The following RIMS1 variants were observed in gnomAD, a reference collection of about 807,000 sequenced individuals.
The protein encoded by RIMS1 is regulating synaptic membrane exocytosis protein 1.
A neutral mutation model predicts 214.1 loss-of-function variants in RIMS1; 83 were observed. The ratio of observed to expected loss-of-function variants is 0.39; its 90% confidence interval spans 0.32 to 0.47. RIMS1 has a LOEUF of 0.47. RIMS1 is among the 20% of genes least tolerant of loss of function. The probability of loss-of-function intolerance (pLI) is 0.99; values close to 1 mark genes in which losing one functional copy is unlikely to be tolerated. For missense variants in RIMS1, 2,050 were observed against 2,161.8 expected (o/e 0.95, Z 1.03); for synonymous variants, 793 against 786.8 (o/e 1.01, Z -0.13).
At chr6:72,372,110 C>T (rs2098238634) in intron 29 of RIMS1, among the ~76,000 whole-genome samples, 1 of 152,116 alleles carries the variant, frequency 6.6e-6, no homozygotes, top group Non-Finnish European at 1.5e-5. Context: ...GCCTGTGGTT[C>T]TAGAAGCCTG....
At chr6:71,895,848 A>G (rs1191950986) in intron 1 of RIMS1, among the ~76,000 whole-genome samples, 2 of 152,162 alleles carry the variant, frequency 1.3e-5, no homozygotes, top group Non-Finnish European at 2.9e-5. Flanking sequence ...CTTTAACTAT[A>G]TGGTAGTATA....
intron 20 of RIMS1, 29 bp from the exon 21 acceptor site, chr6:72,265,361 T>A: frequency 8.3e-7 from 1 of 1,198,878 alleles, no homozygotes; most frequent in Non-Finnish European, 1.2e-6. Context: ...TTATTTTATT[T>A]TATTTTTGTG....
intron 2 of RIMS1, among the ~76,000 whole-genome samples, chr6:72,082,600 T>C (rs1246900652): frequency 1.3e-5 from 2 of 152,078 alleles, no homozygotes; most frequent in Non-Finnish European, 2.9e-5. Context: ...GGAGATTAAA[T>C]CTAAAACTAA....
intron 4 of RIMS1, among the ~76,000 whole-genome samples, chr6:72,147,852 A>G (rs1051766058): frequency 5.9e-5 from 9 of 152,284 alleles, no homozygotes; most frequent in African/African-American, 1.4e-4. Context: ...CAGAAAATAC[A>G]GAGATTTTTA....
intron 2 of RIMS1, among the ~76,000 whole-genome samples, chr6:72,024,938 C>CT: frequency 8.5e-6 from 1 of 117,140 alleles, no homozygotes; most frequent in Non-Finnish European, 1.6e-5. Flanking sequence ...CAGAGTCTCT[C>CT]TGTTGCCCAG....
intron 6 of RIMS1, among the ~76,000 whole-genome samples, chr6:72,186,653 G>T (rs1248482951): frequency 6.6e-6 from 1 of 152,024 alleles, no homozygotes; most frequent in African/African-American, 2.4e-5. Flanking sequence ...TGTATTTAGG[G>T]GGACTGTTTG....
intron 28 of RIMS1, among the ~76,000 whole-genome samples, chr6:72,322,974 G>T (rs1425910712): frequency 1.3e-5 from 2 of 152,070 alleles, no homozygotes; most frequent in Non-Finnish European, 2.9e-5. Context: ...AGGCCAAAGA[G>T]CCAAGCACAA....
chr6:72,068,069 A>AT (rs1485544013), intron 2 of RIMS1, among the ~76,000 whole-genome samples: 1 of 152,200 alleles, frequency 6.6e-6, no homozygotes, highest in African/African-American at 2.4e-5. Context: ...TGATCACAAG[A>AT]TTTGGCTGAT....
intron 1 of RIMS1, among the ~76,000 whole-genome samples, chr6:71,907,975 AAGTAAGAG>A (rs1775756002): frequency 6.6e-6 from 1 of 152,186 alleles, no homozygotes; most frequent in African/African-American, 2.4e-5. Flanking sequence ...TCAAATTTGA[AAGTAAGAG>A]ACTTTTGCCT....
intron 28 of RIMS1, among the ~76,000 whole-genome samples, chr6:72,324,841 T>A (rs1486702894): frequency 6.6e-6 from 1 of 151,780 alleles, no homozygotes; most frequent in Non-Finnish European, 1.5e-5. Flanking sequence ...AATTGAGTGG[T>A]TGCAACAGAG....
rs1353820247 is a variant in RIMS1 at position 72,081,807 on chromosome 6, G to A, written c.246-15142G>A. Among the ~76,000 whole-genome samples the A allele has an allele frequency of 3.3e-5, 5 of 151,972 alleles. 1 individual carries two copies. The highest frequency in any genetic ancestry group is 4.8e-5 in the African/African-American group (2 of 41,374). ...TTATTGGTTTTATGATCTCTCTTTC[G>A]TGGATATAAAAGAACTTAAGTTATT... On this transcript the variant is annotated intron_variant, in intron 2 of 33. Transcript: ENST00000521978.
intron 4 of RIMS1, chr6:72,175,334 TA>T: frequency 2.5e-6 from 1 of 393,284 alleles, no homozygotes; most frequent in Non-Finnish European, 5.0e-6. Flanking sequence ...ATTATAATAC[TA>T]AGTACCTCAG....
chr6:71,897,643 G>A (rs565444944), intron 1 of RIMS1, among the ~76,000 whole-genome samples: 10 of 152,088 alleles, frequency 6.6e-5, no homozygotes, highest in South Asian at 2.1e-4. Context: ...TTTGGTATTC[G>A]TCTTAACCTC....
At chr6:72,196,579 A>ATTTTTTTTTTTTT (rs1562552453) in intron 6 of RIMS1, among the ~76,000 whole-genome samples, 3 of 32,670 alleles carry the variant, frequency 9.2e-5, no homozygotes, top group Non-Finnish European at 1.4e-4. Context: ...AGCCAGCTGC[A>ATTTTTTTTTTTTT]CTTTTTTTTT....
intron 6 of RIMS1, among the ~76,000 whole-genome samples, chr6:72,209,787 G>C (rs2154004450): frequency 6.6e-6 from 1 of 151,800 alleles, no homozygotes; most frequent in South Asian, 2.1e-4. Flanking sequence ...TGTAGTCCCA[G>C]CTACTCGGGA....
In RIMS1 at chr6:72,159,538, C is replaced by T. The variant is rs985471385; in HGVS notation, c.472-20037C>T. Reference sequence around the variant, plus strand: ...ATGGTTCTAGGTCTAACATTTAAATCTTTAATCCATCTTGAATTAATTTTT... The same window carrying T: ...ATGGTTCTAGGTCTAACATTTAAATTTTTAATCCATCTTGAATTAATTTTT... On this transcript the variant is annotated intron_variant, in intron 4 of 33. Coordinates refer to ENST00000521978, the MANE Select transcript of RIMS1 (RefSeq NM_014989.7). Among the ~76,000 whole-genome samples, 3 of 140,958 alleles carry T rather than the reference C, an allele frequency of 2.1e-5. 1 individual carries two copies. Among genetic ancestry groups the T allele is most frequent in the Non-Finnish European group, 3.2e-5 (2 of 62,054 alleles). The allele number at this position is 140,958 out of a possible 152,430, so 92.5% of individuals were successfully genotyped here. A position where few individuals can be genotyped will look rare whatever the true frequency, so the allele number is the denominator to read the frequency against.
intron 1 of RIMS1, among the ~76,000 whole-genome samples, chr6:71,925,864 A>G (rs1582784614): frequency 6.6e-6 from 1 of 152,362 alleles, no homozygotes; most frequent in African/African-American, 2.4e-5. Flanking sequence ...ACATTATTTT[A>G]CAGGTATTAT....
chr6:72,026,190 G>GA (rs1816410858), intron 2 of RIMS1, among the ~76,000 whole-genome samples: 1 of 152,118 alleles, frequency 6.6e-6, no homozygotes, highest in South Asian at 2.1e-4. Context: ...CACATTTCAA[G>GA]AAAAACAGCA....
In RIMS1 at chr6:72,258,112, G is replaced by A. The variant is rs757131012; in HGVS notation, c.2771-13G>A. ...AATACTGACTAAATTTTTTCTGTGT[G>A]TACTTTTGCCAGTAGGCTATAGGTC... On this transcript the variant is annotated splice_polypyrimidine_tract_variant and intron_variant, in intron 16 of 33. Coordinates refer to ENST00000521978, the MANE Select transcript of RIMS1 (RefSeq NM_014989.7). The A allele has an allele frequency of 3.7e-6, 6 of 1,609,306 alleles. No individual in the cohort carries two copies. In the African/African-American group the frequency reaches 8.0e-5, roughly 22 times the overall value.
Sources: allele counts gnomAD v4.1 joint callset (sites outside exome capture counted in the v4.1 genomes callset), GRCh38; gene constraint gnomAD v4.1.1; transcripts MANE v1.5; gene names NCBI Gene and HGNC (gene_info 2026-07-23, HGNC 2026-07-21).